The following VAT1L variants were observed in gnomAD, a reference collection of about 807,000 sequenced individuals.
VAT1L encodes the protein putative NADPH-dependent quinone oxidoreductase VAT1L.
In VAT1L, 34 loss-of-function variants were observed where a neutral mutation model predicts 44.1. That is an observed-to-expected ratio of 0.77 (90% CI 0.59 to 1.03). VAT1L has a LOEUF of 1.03. VAT1L is among the 50% of genes least tolerant of loss of function. The pLI is 0.00. For missense variants in VAT1L, 615 were observed against 538.8 expected (o/e 1.14, Z -1.40); for synonymous variants, 253 against 202.2 (o/e 1.25, Z -2.13).
At chr16:77,872,269 A>C (rs2017040749) in intron 4 of VAT1L, among the ~76,000 whole-genome samples, 1 of 152,066 alleles carries the variant, frequency 6.6e-6, no homozygotes, top group Non-Finnish European at 1.5e-5. Context: ...TGAGCTGTTG[A>C]TTGTGATAGC....
intron 4 of VAT1L, among the ~76,000 whole-genome samples, chr16:77,869,873 G>C (rs1181436762): frequency 6.6e-6 from 1 of 152,178 alleles, no homozygotes; most frequent in Non-Finnish European, 1.5e-5. Flanking sequence ...CCCGATAGCA[G>C]TCATAGGTGA....
chr16:77,965,054 T>C (rs926678689), intron 7 of VAT1L, among the ~76,000 whole-genome samples: 3 of 152,144 alleles, frequency 2.0e-5, no homozygotes, highest in East Asian at 1.9e-4. Flanking sequence ...CCTCCCAAAG[T>C]GCTGGGATTA....
chr16:77,868,070 T>A (rs1162461757), intron 4 of VAT1L, among the ~76,000 whole-genome samples: 1 of 152,180 alleles, frequency 6.6e-6, no homozygotes, highest in Non-Finnish European at 1.5e-5. Context: ...CCTAACCTAC[T>A]GAATGTCATA....
At chr16:77,792,751 G>A (rs2015857033) in intron 1 of VAT1L, among the ~76,000 whole-genome samples, 1 of 152,110 alleles carries the variant, frequency 6.6e-6, no homozygotes. Flanking sequence ...CACGCCTTCT[G>A]GTTGGCCTTG....
intron 3 of VAT1L, among the ~76,000 whole-genome samples, chr16:77,844,412 T>A (rs2016737754): frequency 2.0e-5 from 3 of 152,102 alleles, no homozygotes; most frequent in South Asian, 2.1e-4. Context: ...TTTTTTATTT[T>A]TTTTTATTTT....
intron 1 of VAT1L, among the ~76,000 whole-genome samples, chr16:77,795,776 T>C (rs2015918785): frequency 6.6e-6 from 1 of 152,112 alleles, no homozygotes; most frequent in African/African-American, 2.4e-5. Flanking sequence ...TTATTAACCA[T>C]TTGTGTTTCA....
intron 7 of VAT1L, among the ~76,000 whole-genome samples, chr16:77,940,684 C>A (rs1448889593): frequency 1.3e-5 from 2 of 152,100 alleles, no homozygotes; most frequent in Non-Finnish European, 1.5e-5. Flanking sequence ...ATGAATTTTG[C>A]ACCCAGCTCA....
chr16:77,833,987 G>C (rs1022043622), intron 3 of VAT1L, among the ~76,000 whole-genome samples: 2 of 152,118 alleles, frequency 1.3e-5, no homozygotes, highest in South Asian at 4.1e-4. Flanking sequence ...GGTGATTGCA[G>C]CAGCTATTCA....
chr16:77,959,479 G>C (rs745845126), intron 7 of VAT1L, among the ~76,000 whole-genome samples: 6 of 152,162 alleles, frequency 3.9e-5, no homozygotes, highest in Non-Finnish European at 7.3e-5. Flanking sequence ...TTTGGTAGAT[G>C]TGTTTCTTAA....
At chr16:77,945,152 A>T (rs917693919) in intron 7 of VAT1L, among the ~76,000 whole-genome samples, 1 of 152,142 alleles carries the variant, frequency 6.6e-6, no homozygotes, top group African/African-American at 2.4e-5. Context: ...TAGTCTGTCC[A>T]ATCTGTGGGG....
At chr16:77,839,695 G>T (rs2016683864) in intron 3 of VAT1L, among the ~76,000 whole-genome samples, 1 of 151,988 alleles carries the variant, frequency 6.6e-6, no homozygotes, top group Non-Finnish European at 1.5e-5. Flanking sequence ...GGCGGGATCA[G>T]CAATCTATCT....
At position 77,970,149 on chromosome 16, in the gene VAT1L, T is replaced by C. The variant is rs570002817; in HGVS notation, c.1078-1701T>C. On this transcript the variant is annotated intron_variant, in intron 7 of 8. Transcript: ENST00000302536. ...TACTTGGTAGGCTGACGTGGGAGCA[T>C]TGCTTGAGACCAGGAGGTCAAACCT... 1.1e-3 allele frequency among the ~76,000 whole-genome samples: 164 copies of C among 151,408 alleles called. 1 individual carries two copies. The highest frequency in any genetic ancestry group is 3.7e-3 in the African/African-American group (151 of 41,296).
rs540651034 is a variant in VAT1L at position 77,884,447 on chromosome 16, T to TA, written c.883-154dup. On this transcript the variant is annotated intron_variant, in intron 6 of 8. Transcript: ENST00000302536. The surrounding 1 kb of genome is among the most constrained non-coding windows in gnomAD (Gnocchi z 4.5). ...CAAAAAATAAAAATAAAAAATAAAA[T>TA]AAAAAAATACACCACCAAGAGCAAC... is the stretch of plus-strand genomic sequence containing the variant. Among the ~76,000 whole-genome samples the TA allele has an allele frequency of 3.2e-4, 49 of 151,532 alleles. No individual in the cohort carries two copies. In the South Asian group the frequency reaches 0.01, roughly 32 times the overall value.
At chr16:77,791,304 T>C (rs995117654) in intron 1 of VAT1L, among the ~76,000 whole-genome samples, 1 of 152,236 alleles carries the variant, frequency 6.6e-6, no homozygotes, top group African/African-American at 2.4e-5. Flanking sequence ...CTTTTTGTCA[T>C]AATAGGATAT....
intron 3 of VAT1L, among the ~76,000 whole-genome samples, chr16:77,842,306 G>A (rs1243434275): frequency 6.6e-6 from 1 of 152,180 alleles, no homozygotes; most frequent in African/African-American, 2.4e-5. Context: ...ATCTATAGAT[G>A]GGTGCCCACT....
intron 3 of VAT1L, among the ~76,000 whole-genome samples, chr16:77,841,494 C>G (rs1045040046): frequency 1.3e-5 from 2 of 152,210 alleles, no homozygotes; most frequent in African/African-American, 4.8e-5. Flanking sequence ...GACAGATTGT[C>G]ACCCTCCTAA....
intron 3 of VAT1L, among the ~76,000 whole-genome samples, chr16:77,860,056 G>A (rs921913200): frequency 2.0e-5 from 3 of 152,180 alleles, no homozygotes; most frequent in Admixed American, 2.0e-4. Flanking sequence ...ATAGAGAGAA[G>A]ACGGCGTGGA....
intron 6 of VAT1L, among the ~76,000 whole-genome samples, chr16:77,880,682 G>A (rs924354874): frequency 4.3e-5 from 6 of 138,174 alleles, no homozygotes; most frequent in Non-Finnish European, 7.6e-5. Context: ...GTATGATGCT[G>A]AAGTTTGGGG....
chr16:77,890,324 G>A (rs2142466271), intron 7 of VAT1L, among the ~76,000 whole-genome samples: 1 of 152,226 alleles, frequency 6.6e-6, no homozygotes, highest in South Asian at 2.1e-4. Context: ...CTGTAGAGGA[G>A]AGGAAGTAAG....
Sources: gnomAD v4.1 joint callset for allele counts (sites outside exome capture counted in the v4.1 genomes callset) on GRCh38, gnomAD v4.1.1 for gene constraint, Gnocchi (gnomAD v3.1) non-coding constraint, MANE v1.5 for transcripts, NCBI Gene and HGNC (gene_info 2026-07-23, HGNC 2026-07-21) for gene names.